The following ANK2 variants were observed in gnomAD, a reference collection of about 807,000 sequenced individuals.
ANK2 encodes the protein ankyrin 2.
ANK2 carries 83 observed loss-of-function variants against 360.5 expected under a neutral mutation model. The observed-to-expected ratio is 0.23, with a 90% CI of 0.19 to 0.28. The LOEUF (loss-of-function observed/expected upper bound fraction) is 0.28. Ranked by LOEUF, ANK2 falls within the 10% of genes least tolerant of loss-of-function variation. The probability of loss-of-function intolerance (pLI) is 1.00; values close to 1 mark genes in which losing one functional copy is unlikely to be tolerated. For synonymous variants in ANK2, 1,740 were observed against 1,759.5 expected, an observed-to-expected ratio of 0.99 and a Z score of 0.28; for missense variants, 4,201 against 4,795.7, an observed-to-expected ratio of 0.88 and a Z score of 3.66.
rs1431039954 is a variant in ANK2, at chr4:113,336,552, ATG to A, written c.3592-17_3592-16del. The A allele has an allele frequency of 4.5e-6, 7 of 1,561,082 alleles. No individual in the cohort carries two copies. In the African/African-American group the frequency reaches 6.8e-5, roughly 15 times the overall value. ...TTTTAAAATATATACACAAATATAT[ATG>A]TGTGTGTTTTTACTTTGAAAAGGCT... On this transcript the variant is annotated intron_variant, in intron 30 of 45. Transcript: ENST00000357077.
At chr4:113,336,538 A>G (rs571618900) in intron 30 of ANK2, 39 bp from the exon 31 acceptor site, 8 of 1,499,756 alleles carry the variant, frequency 5.3e-6, no homozygotes, top group Non-Finnish European at 6.4e-6. Context: ...TTTAAAATAT[A>G]TACACAAATA....
chr4:113,073,193 T>C (rs1188375790), intron 1 of ANK2, among the ~76,000 whole-genome samples: 3 of 151,816 alleles, frequency 2.0e-5, no homozygotes, highest in African/African-American at 7.3e-5. Flanking sequence ...TGACCTAAGG[T>C]GATCCACCTG....
intron 45 of ANK2, chr4:113,375,048 A>T: frequency 1.9e-6 from 1 of 519,578 alleles, no homozygotes; most frequent in Non-Finnish European, 2.5e-6. Context: ...ACATGAATTC[A>T]TGGAAAGGTG....
At position 113,278,480 on chromosome 4, in the gene ANK2, T is replaced by C. The variant is rs144016063; in HGVS notation, c.1803T>C (p.His601=). The C allele has an allele frequency of 1.9e-6, 3 of 1,613,876 alleles. No homozygotes were observed. The highest frequency in any genetic ancestry group is 2.7e-5 in the African/African-American group (2 of 74,902). ...SAGKNGLTPL[H]VAAHYDNQKV... ...TACAGAACGGCCTTACCCCGCTCCA[T>C]GTTGCTGCTCATTATGACAACCAGA... Residue 601 remains histidine, a synonymous_variant, in exon 17 of 46, where the codon CAT becomes CAC. Coordinates refer to ENST00000357077, the MANE Select transcript of ANK2 (RefSeq NM_001148.6).
Position 113,035,469 on chromosome 4 carries a change from T to A in ANK2, c.21+130955T>A, listed in dbSNP as rs569990417. 3.9e-5 allele frequency among the ~76,000 whole-genome samples: 6 copies of A among 152,002 alleles called. No homozygotes were observed. In the South Asian group the frequency reaches 1.2e-3, roughly 31 times the overall value. Reference sequence around the variant, plus strand: ...TTCACCAGCCCAGGAAAATAGGATTTGATGTTCCTCTTAGAAGCTCTGGTA... The same window carrying A: ...TTCACCAGCCCAGGAAAATAGGATTAGATGTTCCTCTTAGAAGCTCTGGTA... On this transcript the variant is annotated intron_variant, in intron 2 of 30. Coordinates refer to the ANK2 transcript ENST00000503271.
chr4:112,844,795 G>A (rs77256467), intron 1 of ANK2, among the ~76,000 whole-genome samples: 2,685 of 152,276 alleles, frequency 0.018, 87 homozygotes, highest in African/African-American at 0.059. Context: ...AGTGAAGAAA[G>A]CAATTGGTTA....
At chr4:112,882,052 G>T in intron 1 of ANK2, 1 of 411,572 alleles carries the variant, frequency 2.4e-6, no homozygotes, top group South Asian at 3.2e-5. Flanking sequence ...CTGCTCAGAA[G>T]GGCTCCTCAG....
intron 1 of ANK2, among the ~76,000 whole-genome samples, chr4:113,167,073 A>T (rs1293442890): frequency 3.3e-5 from 5 of 152,178 alleles, no homozygotes; most frequent in African/African-American, 9.6e-5. Context: ...ATACAATACA[A>T]ATTTCATTAA....
chr4:113,143,636 G>A (rs1419052456), intron 1 of ANK2, among the ~76,000 whole-genome samples: 1 of 152,100 alleles, frequency 6.6e-6, no homozygotes, highest in Non-Finnish European at 1.5e-5. Flanking sequence ...ATCTTGGTTG[G>A]CATTCTTTGT....
At position 113,371,880 on chromosome 4, in the gene ANK2, A is replaced by T. The variant is rs149217907; in HGVS notation, c.11611-1210A>T. On this transcript the variant is annotated intron_variant, in intron 43 of 45. Coordinates refer to ENST00000357077, the MANE Select transcript of ANK2 (RefSeq NM_001148.6). ...TTAGGGAAGAGTAATTCAATATATG[A>T]CTCCTAAGGTAATGTGTGCTAAGCT... Among the ~76,000 whole-genome samples, 1,120 of 152,092 alleles carry T rather than the reference A, an allele frequency of 7.4e-3. 8 individuals carry two copies. The highest frequency in any genetic ancestry group is 0.013 in the Non-Finnish European group (901 of 67,970).
chr4:112,933,621 C>G (rs1232605618), intron 2 of ANK2, among the ~76,000 whole-genome samples: 1 of 152,128 alleles, frequency 6.6e-6, no homozygotes, highest in East Asian at 1.9e-4. Context: ...TGGCCTCAGC[C>G]TCCCGAGTAG....
chr4:113,011,687 C>T (rs1225064174), intron 2 of ANK2, among the ~76,000 whole-genome samples: 3 of 152,086 alleles, frequency 2.0e-5, no homozygotes, highest in Non-Finnish European at 4.4e-5. Context: ...ATAGAGAGGA[C>T]ATCTTACATA....
chr4:112,821,685 G>A (rs1034805089), intron 1 of ANK2, among the ~76,000 whole-genome samples: 1 of 151,584 alleles, frequency 6.6e-6, no homozygotes, highest in African/African-American at 2.4e-5. Flanking sequence ...AATTAATAAG[G>A]GGGATTATTG....
At chr4:113,031,715 C>G (rs1398240315) in intron 2 of ANK2, among the ~76,000 whole-genome samples, 1 of 151,920 alleles carries the variant, frequency 6.6e-6, no homozygotes, top group African/African-American at 2.4e-5. Flanking sequence ...CAGGAGGTAG[C>G]TAGGAGAAGC....
chr4:113,262,299 T>C (rs906929681), intron 13 of ANK2, among the ~76,000 whole-genome samples: 13 of 152,140 alleles, frequency 8.5e-5, no homozygotes, highest in Non-Finnish European at 1.9e-4. Flanking sequence ...AGATTATGGC[T>C]CACTGCAGCC....
chr4:113,325,473 T>A (rs1310152316), intron 26 of ANK2, among the ~76,000 whole-genome samples: 1 of 152,164 alleles, frequency 6.6e-6, no homozygotes, highest in Non-Finnish European at 1.5e-5. Flanking sequence ...TTAAGTGACT[T>A]ACCTGAGGTT....
At chr4:113,267,445 T>C (rs1384512915) in intron 14 of ANK2, among the ~76,000 whole-genome samples, 1 of 152,080 alleles carries the variant, frequency 6.6e-6, no homozygotes, top group Non-Finnish European at 1.5e-5. Flanking sequence ...AAGAGAGGGG[T>C]CCAGTTTTAG....
chr4:112,921,680 A>C (rs905497036), intron 2 of ANK2, among the ~76,000 whole-genome samples: 1 of 146,206 alleles, frequency 6.8e-6, no homozygotes, highest in Non-Finnish European at 1.5e-5. Flanking sequence ...TTAAAATACC[A>C]TTCTATTTTT....
At chr4:112,711,198 A>C in the ANK2 span, among the ~76,000 whole-genome samples, 1 of 151,246 alleles carries the variant, frequency 6.6e-6, no homozygotes, top group Non-Finnish European at 1.5e-5. Flanking sequence ...CTGTCTCAAA[A>C]AAAAAAAAAA....
Sources: gnomAD v4.1 joint callset for allele counts (sites outside exome capture counted in the v4.1 genomes callset) on GRCh38, gnomAD v4.1.1 for gene constraint, MANE v1.5 for transcripts, NCBI Gene and HGNC (gene_info 2026-07-23, HGNC 2026-07-21) for gene names.